The following SLC25A18 variants were observed in gnomAD, a reference collection of about 807,000 sequenced individuals.
The protein encoded by SLC25A18 is mitochondrial glutamate carrier 2.
In SLC25A18, 24 loss-of-function variants were observed where a neutral mutation model predicts 31.1. The observed-to-expected ratio is 0.77, with a 90% CI of 0.56 to 1.08. The LOEUF (loss-of-function observed/expected upper bound fraction) is 1.08. Among genes scored for constraint, SLC25A18 ranks in the 50% least tolerant of loss-of-function variants. The pLI is 0.00. For missense variants in SLC25A18, 371 were observed against 418.5 expected (o/e 0.89, Z 0.99); for synonymous variants, 173 against 161.9 (o/e 1.07, Z -0.52).
intron 1 of SLC25A18, among the ~76,000 whole-genome samples, chr22:17,564,556 A>AT (rs2056882997): frequency 5.0e-4 from 76 of 152,252 alleles, no homozygotes; most frequent in African/African-American, 1.8e-3. Flanking sequence ...AAGTAAAAAA[A>AT]ATTTTTAGAA....
rs1008510506 is a variant in SLC25A18, at chr22:17,584,034, G to A, written c.409+500G>A. On this transcript the variant is annotated intron_variant, in intron 7 of 10. Coordinates refer to ENST00000327451, the MANE Select transcript of SLC25A18 (RefSeq NM_031481.3). ...GCAGAAATGAGAATGTTGATTCAGA[G>A]GGTCAGAAAATACTTAAGGCTTCTG... 1.4e-5 allele frequency: 14 copies of A among 983,650 alleles called. 1 individual carries two copies. The South Asian group carries it at 6.1e-4, about 43-fold the overall frequency. 60.9% of individuals were successfully genotyped at this position (983,650 alleles called of 1,614,324 possible). A position where few individuals can be genotyped will look rare whatever the true frequency, so the allele number is the denominator to read the frequency against.
chr22:17,584,864 G>GT (rs2057498832), intron 7 of SLC25A18, among the ~76,000 whole-genome samples: 6 of 148,744 alleles, frequency 4.0e-5, no homozygotes, highest in Admixed American at 6.7e-5. Context: ...TGCTATAGAA[G>GT]CTGGCTTTTG....
At chr22:17,567,886 C>T (rs1415537788) in intron 1 of SLC25A18, among the ~76,000 whole-genome samples, 1 of 151,788 alleles carries the variant, frequency 6.6e-6, no homozygotes, top group African/African-American at 2.4e-5. Context: ...TTTATACTTT[C>T]TGCAGAAAGG....
At chr22:17,572,336 A>G (rs2057111900) in intron 2 of SLC25A18, among the ~76,000 whole-genome samples, 1 of 150,006 alleles carries the variant, frequency 6.7e-6, no homozygotes. Flanking sequence ...ATACAGAAAT[A>G]TAGGTGGGCA....
chr22:17,576,630 C>T (rs1394837976), intron 2 of SLC25A18, among the ~76,000 whole-genome samples: 6 of 152,172 alleles, frequency 3.9e-5, no homozygotes, highest in Non-Finnish European at 7.3e-5. Context: ...CTAATGGTTT[C>T]GCCTTTGTTG....
chr22:17,573,379 C>G (rs559046587), intron 2 of SLC25A18, among the ~76,000 whole-genome samples: 5 of 152,062 alleles, frequency 3.3e-5, no homozygotes, highest in African/African-American at 1.2e-4. Context: ...CACTTCCCCC[C>G]AAAACCTGTC....
chr22:17,578,488 G>T (rs945020694), intron 2 of SLC25A18, among the ~76,000 whole-genome samples: 1 of 152,220 alleles, frequency 6.6e-6, no homozygotes, highest in Non-Finnish European at 1.5e-5. Context: ...TCAATTGCTG[G>T]AGAGCAGTGA....
chr22:17,563,832 C>T, intron 1 of SLC25A18, 119 bp downstream of exon 1: 1 of 533,562 alleles, frequency 1.9e-6, no homozygotes, highest in South Asian at 8.1e-5. Flanking sequence ...ATTGTGAATA[C>T]AGAATACAGA....
intron 5 of SLC25A18, chr22:17,581,775 G>C (rs1166910914): frequency 4.1e-6 from 1 of 242,398 alleles, no homozygotes; most frequent in East Asian, 8.6e-5. Flanking sequence ...GTCCAGCGTT[G>C]CTGCGGTCCC....
In SLC25A18 at chr22:17,590,262, G is replaced by A. The variant is rs748520946; in HGVS notation, c.*26G>A. ...ACAGAGCTGGAGGTCAAGTCCCTGCGCTTGCCGCCCTCTCTCTAGCTGTTT... is the reference window on the plus strand; with the variant it reads ...ACAGAGCTGGAGGTCAAGTCCCTGCACTTGCCGCCCTCTCTCTAGCTGTTT... On this transcript the variant is annotated 3_prime_UTR_variant, in exon 11 of 11. Coordinates refer to ENST00000327451, the MANE Select transcript of SLC25A18 (RefSeq NM_031481.3). 14 of 1,613,690 alleles carry A rather than the reference G, an allele frequency of 8.7e-6. No individual in the cohort carries two copies. Among genetic ancestry groups the A allele is most frequent in the Admixed American group, 3.3e-5 (2 of 59,968 alleles).
chr22:17,568,200 TAA>T (rs941605119), intron 1 of SLC25A18, among the ~76,000 whole-genome samples: 12 of 151,494 alleles, frequency 7.9e-5, no homozygotes, highest in African/African-American at 2.9e-4. Context: ...CCGTCTCTAC[TAA>T]AAAAATACAA....
intron 8 of SLC25A18, 40 bp downstream of exon 8, chr22:17,587,341 G>A: frequency 6.3e-7 from 1 of 1,576,354 alleles, no homozygotes; most frequent in Non-Finnish European, 8.6e-7. Context: ...AGTGCACGGG[G>A]GAGGGCACGA....
At chr22:17,574,768 C>G (rs2057187308) in intron 2 of SLC25A18, among the ~76,000 whole-genome samples, 1 of 150,158 alleles carries the variant, frequency 6.7e-6, no homozygotes, top group Admixed American at 6.7e-5. Flanking sequence ...GATCCACCCA[C>G]CCTCGGCCTC....
At chr22:17,567,030 G>GGCAT (rs1270122003) in intron 1 of SLC25A18, among the ~76,000 whole-genome samples, 2 of 152,170 alleles carry the variant, frequency 1.3e-5, no homozygotes, top group Non-Finnish European at 2.9e-5. Context: ...CAGGCATAGT[G>GGCAT]GCATGCCTGT....
chr22:17,583,163 G>C (rs569446697), intron 6 of SLC25A18, among the ~76,000 whole-genome samples: 1 of 152,194 alleles, frequency 6.6e-6, no homozygotes, highest in Admixed American at 6.5e-5. Context: ...CAAGGACAAC[G>C]CCTGGTCTGG....
Position 17,590,080 on chromosome 22 carries a change from C to T in SLC25A18, c.807-15C>T. On this transcript the variant is annotated splice_polypyrimidine_tract_variant and intron_variant, in intron 10 of 10. Transcript: ENST00000327451. The stretch of plus-strand genomic sequence containing the variant: ...GCCCCTGCCCATCAGCTCACTGGCT[C>T]TTCTTTCTCCCCAGGAAACTCTGGA... 2 of 1,613,648 alleles carry T rather than the reference C, an allele frequency of 1.2e-6. No homozygotes were observed. Among genetic ancestry groups the T allele is most frequent in the Non-Finnish European group, 1.7e-6 (2 of 1,179,992 alleles).
chr22:17,572,992 A>G (rs2057138827), intron 2 of SLC25A18, among the ~76,000 whole-genome samples: 1 of 152,094 alleles, frequency 6.6e-6, no homozygotes. Context: ...GCACACCTGT[A>G]GTCTCAACAA....
In SLC25A18 at chr22:17,581,078, T is replaced by G. The variant is rs763321188; in HGVS notation, c.62T>G (p.Val21Gly). 59 of 1,562,342 alleles carry G rather than the reference T, an allele frequency of 3.8e-5. No individual in the cohort carries two copies. Among genetic ancestry groups the G allele is most frequent in the Non-Finnish European group, 4.9e-5 (57 of 1,152,438 alleles). The change falls in exon 4 of 11, where the codon GTG becomes GGG. Residue 21 changes from valine (V) to glycine (G), a missense_variant. Physicochemically the swap from Val to Gly is moderately radical, Grantham distance 109 (BLOSUM62 -3). Transcript: ENST00000327451. ...KLINGGVAGL[V>G]GVTCVFPIDL... ...ATCAATGGAGGTGTAGCAGGGCTCG[T>G]GGGGGTGACCTGCGTGTTCCCCATC...
chr22:17,576,752 A>G (rs1257176959), intron 2 of SLC25A18, among the ~76,000 whole-genome samples: 1 of 152,240 alleles, frequency 6.6e-6, no homozygotes, highest in Admixed American at 6.5e-5. Context: ...AGCTTGGTAC[A>G]GCCTCAGGGT....
Sources: allele counts gnomAD v4.1 joint callset (sites outside exome capture counted in the v4.1 genomes callset), GRCh38; gene constraint gnomAD v4.1.1; transcripts MANE v1.5; gene names NCBI Gene and HGNC (gene_info 2026-07-23, HGNC 2026-07-21).